The following MFF variants were observed in gnomAD, a reference collection of about 807,000 sequenced individuals.
MFF encodes mitochondrial fission factor, also known as chromosome 2 open reading frame 33.
A neutral mutation model predicts 36.9 loss-of-function variants in MFF; 12 were observed. The ratio of observed to expected loss-of-function variants is 0.33; its 90% CI spans 0.21 to 0.53. MFF has a LOEUF of 0.53. MFF is among the 20% of genes least tolerant of loss of function. MFF has a pLI of 0.95. For synonymous variants in MFF, 99 were observed against 126.2 expected, an observed-to-expected ratio of 0.78 and a Z score of 1.44; for missense variants, 348 against 366.6, an observed-to-expected ratio of 0.95 and a Z score of 0.42.
At chr2:227,350,380 G>A (rs1372038761) in intron 6 of MFF, among the ~76,000 whole-genome samples, 1 of 152,116 alleles carries the variant, frequency 6.6e-6, no homozygotes, top group East Asian at 1.9e-4. Context: ...CTTAGTTCCT[G>A]TGTAAGAACC....
intron 1 of MFF, among the ~76,000 whole-genome samples, chr2:227,326,146 A>G: frequency 6.6e-6 from 1 of 151,908 alleles, no homozygotes; most frequent in Non-Finnish European, 1.5e-5. Context: ...TACCTCCCAC[A>G]AAGTTAGAAG....
intron 7 of MFF, among the ~76,000 whole-genome samples, 191 bp downstream of exon 7, chr2:227,352,764 G>A (rs1054091795): frequency 6.6e-6 from 1 of 152,140 alleles, no homozygotes; most frequent in Non-Finnish European, 1.5e-5. Flanking sequence ...CAATTAGTAT[G>A]AGGGAAAATG....
intron 5 of MFF, 65 bp downstream of exon 5, chr2:227,340,445 G>C: frequency 1.6e-6 from 2 of 1,226,248 alleles, no homozygotes; most frequent in Non-Finnish European, 2.3e-6. Flanking sequence ...CTGTACCCAT[G>C]TTTTTCTAAA....
intron 7 of MFF, among the ~76,000 whole-genome samples, chr2:227,354,871 A>G (rs2076182332): frequency 6.6e-6 from 1 of 152,174 alleles, no homozygotes; most frequent in Admixed American, 6.6e-5. Flanking sequence ...GGAAATAAGT[A>G]AAGAATAGGC....
chr2:227,355,902 A>G (rs976717991), intron 8 of MFF, 141 bp downstream of exon 8: 5 of 568,792 alleles, frequency 8.8e-6, no homozygotes, highest in African/African-American at 7.6e-5. Flanking sequence ...CATTTTGATT[A>G]AAGATATATT....
intron 5 of MFF, among the ~76,000 whole-genome samples, chr2:227,345,615 C>T (rs2075666263): frequency 6.6e-6 from 1 of 152,144 alleles, no homozygotes; most frequent in South Asian, 2.1e-4. Flanking sequence ...TTTCCCAGTG[C>T]TGCCTAAAGA....
At chr2:227,352,611 T>G in intron 7 of MFF, 38 bp downstream of exon 7, 1 of 1,465,578 alleles carries the variant, frequency 6.8e-7, no homozygotes. Context: ...GGGTAAATGC[T>G]TGGCGGAATT....
intron 5 of MFF, among the ~76,000 whole-genome samples, chr2:227,342,193 A>T (rs1574950555): frequency 6.6e-6 from 1 of 152,098 alleles, no homozygotes; most frequent in African/African-American, 2.4e-5. Flanking sequence ...TTCACAGTGA[A>T]ACACTTAACA....
At chr2:227,352,149 T>G (rs2076029857) in intron 6 of MFF, 1 of 185,972 alleles carries the variant, frequency 5.4e-6, no homozygotes, top group Non-Finnish European at 1.1e-5. Context: ...CTTTTAAAGG[T>G]GCTAGTGATT....
intron 7 of MFF, 78 bp from the exon 8 acceptor site, chr2:227,355,599 C>T (rs1394423044): frequency 2.6e-6 from 2 of 779,262 alleles, no homozygotes; most frequent in African/African-American, 3.5e-5. Context: ...TTGAGCATTA[C>T]ACAAAGCATG....
At chr2:227,329,568 T>C (rs2074417855) in intron 2 of MFF, 1 of 473,220 alleles carries the variant, frequency 2.1e-6, no homozygotes, top group Non-Finnish European at 3.7e-6. Context: ...ATGAAATGAA[T>C]TGTTGAAATA....
chr2:227,353,770 G>T (rs965368770), intron 7 of MFF, among the ~76,000 whole-genome samples: 2 of 152,120 alleles, frequency 1.3e-5, no homozygotes, highest in African/African-American at 2.4e-5. Flanking sequence ...CGAGATTTCA[G>T]ATATCTAAAC....
rs749183558 is a variant in MFF, at chr2:227,357,218, T to A, written c.*101T>A. ...CTCTGCATTGTATGCCATTTTATAG[T>A]CCACACCCTGAAAATGTATTTCTTC... is the stretch of plus-strand genomic sequence containing the variant. On this transcript the variant is annotated 3_prime_UTR_variant, in exon 9 of 9. Transcript: ENST00000304593. 50 of 1,251,604 alleles carry A rather than the reference T, an allele frequency of 4.0e-5. No individual in the cohort carries two copies. The highest frequency in any genetic ancestry group is 5.3e-5 in the Non-Finnish European group (48 of 897,414). The allele number at this position is 1,251,604 out of a possible 1,614,324, so 77.5% of individuals were successfully genotyped here.
intron 1 of MFF, among the ~76,000 whole-genome samples, chr2:227,326,144 A>G (rs533848764): frequency 1.5e-4 from 23 of 151,784 alleles, no homozygotes; most frequent in African/African-American, 5.6e-4. Flanking sequence ...TCTACCTCCC[A>G]CAAAGTTAGA....
At chr2:227,346,453 G>A (rs903027085) in intron 5 of MFF, 5 of 157,574 alleles carry the variant, frequency 3.2e-5, no homozygotes, top group Admixed American at 6.5e-5. Flanking sequence ...AGCACTGGCA[G>A]GGGAGTCAAA....
intron 3 of MFF, among the ~76,000 whole-genome samples, chr2:227,331,401 A>T (rs1452781170): frequency 6.6e-6 from 1 of 152,236 alleles, no homozygotes; most frequent in Non-Finnish European, 1.5e-5. Context: ...TGGATACACC[A>T]TAATTTGTTT....
chr2:227,344,217 A>G (rs2075578468), intron 5 of MFF, among the ~76,000 whole-genome samples: 2 of 152,360 alleles, frequency 1.3e-5, no homozygotes, highest in South Asian at 4.1e-4. Flanking sequence ...TAAAAAGGTA[A>G]TGTTGAGACT....
intron 1 of MFF, among the ~76,000 whole-genome samples, chr2:227,327,835 G>A (rs375831634): frequency 1.5e-4 from 23 of 152,152 alleles, no homozygotes; most frequent in African/African-American, 5.6e-4. Context: ...TCTTTTTGAG[G>A]TAGCTTTTTT....
intron 6 of MFF, among the ~76,000 whole-genome samples, chr2:227,349,145 T>G (rs577669694): frequency 6.6e-6 from 1 of 151,972 alleles, no homozygotes; most frequent in Admixed American, 6.6e-5. Context: ...GATGGCAGAG[T>G]CACAGTACAT....
Sources: allele counts gnomAD v4.1 joint callset (sites outside exome capture counted in the v4.1 genomes callset), GRCh38; gene constraint gnomAD v4.1.1; transcripts MANE v1.5; gene names NCBI Gene and HGNC (gene_info 2026-07-23, HGNC 2026-07-21).